KCNIP1: variants seen among roughly 807,000 people sequenced by gnomAD.
KCNIP1 encodes A-type potassium channel modulatory protein KCNIP1.
In KCNIP1, 18 loss-of-function variants were observed where a neutral mutation model predicts 33.0. The observed-to-expected ratio is 0.55, with a 90% CI of 0.38 to 0.81. The LOEUF (loss-of-function observed/expected upper bound fraction) is 0.81. KCNIP1 is among the 30% of genes least tolerant of loss of function. The pLI is 0.00. For synonymous variants in KCNIP1, 93 were observed against 98.3 expected (o/e 0.95, Z 0.32); for missense variants, 238 against 271.6 (o/e 0.88, Z 0.87).
At chr5:170,522,160 A>G (rs10036614) in intron 1 of KCNIP1, among the ~76,000 whole-genome samples, 99,584 of 152,144 alleles carry the variant, frequency 0.65, 33,124 homozygotes, top group East Asian at 0.78. Flanking sequence ...TGGGCATGGA[A>G]CAGGGCAGCT....
intron 1 of KCNIP1, among the ~76,000 whole-genome samples, chr5:170,512,656 C>G (rs1449235281): frequency 6.6e-6 from 1 of 152,214 alleles, no homozygotes; most frequent in African/African-American, 2.4e-5. Flanking sequence ...GGTCAGCACT[C>G]AGAATGCGCT....
intron 1 of KCNIP1, chr5:170,375,950 G>A (rs1424690907): frequency 1.3e-5 from 2 of 152,100 alleles, no homozygotes; most frequent in African/African-American, 4.8e-5. Flanking sequence ...CCCAAACAGT[G>A]CACATCCCAA....
chr5:170,729,221 G>A (rs1450514160), intron 5 of KCNIP1, among the ~76,000 whole-genome samples: 1 of 151,960 alleles, frequency 6.6e-6, no homozygotes, highest in Admixed American at 6.6e-5. Flanking sequence ...ATCAAAGTTA[G>A]AAACAATTTT....
chr5:170,554,728 C>G (rs571863774), intron 1 of KCNIP1, among the ~76,000 whole-genome samples: 1 of 152,158 alleles, frequency 6.6e-6, no homozygotes, highest in Non-Finnish European at 1.5e-5. Context: ...CCATGTAATC[C>G]GTCTGCCAGA....
At chr5:170,503,763 C>T (rs1013443868), upstream of KCNIP1, among the ~76,000 whole-genome samples, 2 of 143,128 alleles carry the variant, frequency 1.4e-5, no homozygotes, top group African/African-American at 5.2e-5. Context: ...CACACACACA[C>T]ATACACACAC....
chr5:170,402,965 G>A (rs922190116), intron 1 of KCNIP1, among the ~76,000 whole-genome samples: 1 of 152,196 alleles, frequency 6.6e-6, no homozygotes, highest in Non-Finnish European at 1.5e-5. Context: ...TTATTAAGGG[G>A]TGCTGAATTA....
At chr5:170,492,460 G>A (rs1581239675) in intron 1 of KCNIP1, among the ~76,000 whole-genome samples, 1 of 152,300 alleles carries the variant, frequency 6.6e-6, no homozygotes, top group Admixed American at 6.5e-5. Flanking sequence ...GTGCTTAGGG[G>A]TTTTTATGGA....
intron 1 of KCNIP1, among the ~76,000 whole-genome samples, chr5:170,714,204 G>GTCTAACTGGTACACAAGCACACAGCT (rs1763561768): frequency 6.6e-6 from 1 of 152,168 alleles, no homozygotes; most frequent in South Asian, 2.1e-4. Context: ...CACAGTCCAG[G>GTCTAACTGGTACACAAGCACACAGCT]TCTAACTGGT....
At chr5:170,421,302 C>G (rs1160269584) in intron 1 of KCNIP1, among the ~76,000 whole-genome samples, 1 of 152,192 alleles carries the variant, frequency 6.6e-6, no homozygotes, top group Admixed American at 6.5e-5. Flanking sequence ...CTTTAAAAAG[C>G]AGGAGTTTCT....
At chr5:170,567,201 G>T (rs1401357641) in intron 1 of KCNIP1, among the ~76,000 whole-genome samples, 42 of 152,200 alleles carry the variant, frequency 2.8e-4, no homozygotes, top group Admixed American at 2.7e-3. Context: ...ACCAGGTTAA[G>T]TATCTACTCA....
chr5:170,494,246 A>G (rs1013376484), intron 1 of KCNIP1, among the ~76,000 whole-genome samples: 2 of 152,228 alleles, frequency 1.3e-5, no homozygotes, highest in Non-Finnish European at 2.9e-5. Flanking sequence ...TGGATCATGC[A>G]AATGCCAGCC....
intron 1 of KCNIP1, among the ~76,000 whole-genome samples, chr5:170,390,899 A>G (rs1754565471): frequency 6.6e-6 from 1 of 151,818 alleles, no homozygotes; most frequent in Admixed American, 6.6e-5. Flanking sequence ...CGAGCTCACC[A>G]CCTTCCTCCC....
intron 1 of KCNIP1, among the ~76,000 whole-genome samples, chr5:170,390,517 A>AAAAAAAAAAAAAAATATATATATATAT: frequency 9.4e-5 from 7 of 74,532 alleles, no homozygotes; most frequent in East Asian, 4.1e-4. Flanking sequence ...AAAAAAAACA[A>AAAAAAAAAAAAAAATATATATATATAT]ATATATATAT....
At chr5:170,476,626 G>A (rs1481203050) in intron 1 of KCNIP1, among the ~76,000 whole-genome samples, 1 of 152,124 alleles carries the variant, frequency 6.6e-6, no homozygotes, top group Non-Finnish European at 1.5e-5. Context: ...ACGGTCTTGG[G>A]ATAGTGCTAT....
chr5:170,406,223 G>A (rs1462376843), intron 1 of KCNIP1, among the ~76,000 whole-genome samples: 1 of 152,218 alleles, frequency 6.6e-6, no homozygotes, highest in Non-Finnish European at 1.5e-5. Context: ...GTGGGAGAGA[G>A]ATTGGGGGTA....
intron 1 of KCNIP1, among the ~76,000 whole-genome samples, chr5:170,467,917 CAAAAAA>C (rs55671124): frequency 9.5e-5 from 4 of 41,952 alleles, no homozygotes; most frequent in Non-Finnish European, 1.5e-4. Context: ...GATTCCATCT[CAAAAAA>C]AAAAAAAAAA....
intron 1 of KCNIP1, among the ~76,000 whole-genome samples, chr5:170,537,431 A>G (rs1386090227): frequency 6.6e-6 from 1 of 152,208 alleles, no homozygotes; most frequent in Non-Finnish European, 1.5e-5. Flanking sequence ...AAGTGATGTC[A>G]CCACTGAGCC....
intron 1 of KCNIP1, among the ~76,000 whole-genome samples, chr5:170,537,878 C>G (rs74614194): frequency 0.017 from 2,543 of 152,342 alleles, 20 homozygotes; most frequent in Non-Finnish European, 0.026. Context: ...ACACGGCCTT[C>G]CAATTCCCCA....
intron 1 of KCNIP1, among the ~76,000 whole-genome samples, chr5:170,655,068 G>T (rs982039000): frequency 1.3e-5 from 2 of 152,026 alleles, no homozygotes; most frequent in Admixed American, 1.3e-4. Context: ...GACTTAAGTG[G>T]CTCTGGAGCC....
Sources: gnomAD v4.1 joint callset for allele counts (sites outside exome capture counted in the v4.1 genomes callset) on GRCh38, gnomAD v4.1.1 for gene constraint, MANE v1.5 for transcripts, NCBI Gene and HGNC (gene_info 2026-07-23, HGNC 2026-07-21) for gene names.